MAP3K5: variants seen among roughly 807,000 people sequenced by gnomAD.
MAP3K5 encodes mitogen-activated protein kinase kinase kinase 5, also known as ASK-1.
Under a neutral mutation model 158.7 loss-of-function variants are expected in MAP3K5, and 56 were observed. The observed-to-expected ratio is 0.35, with a 90% confidence interval of 0.28 to 0.44. The LOEUF is 0.44. Among genes scored for constraint, MAP3K5 ranks in the 20% least tolerant of loss-of-function variants. The pLI is 1.00. For missense variants in MAP3K5, 1,294 were observed against 1,674.8 expected (o/e 0.77, Z 3.97); for synonymous variants, 579 against 601.7 (o/e 0.96, Z 0.55).
intron 8 of MAP3K5, among the ~76,000 whole-genome samples, chr6:136,659,584 T>G (rs964074521): frequency 6.6e-6 from 1 of 152,188 alleles, no homozygotes; most frequent in African/African-American, 2.4e-5. Context: ...ATAGATGAAC[T>G]TGGAAAACAT....
intron 25 of MAP3K5, among the ~76,000 whole-genome samples, chr6:136,569,413 CATA>C (rs1774266951): frequency 6.6e-6 from 1 of 152,192 alleles, no homozygotes; most frequent in Non-Finnish European, 1.5e-5. Flanking sequence ...GCTTCATCTA[CATA>C]ATAAGAACCT....
At chr6:136,681,396 G>C (rs2114594204) in intron 7 of MAP3K5, among the ~76,000 whole-genome samples, 1 of 152,278 alleles carries the variant, frequency 6.6e-6, no homozygotes, top group South Asian at 2.1e-4. Context: ...AAATCTGGAA[G>C]GCTGAGGAAG....
chr6:136,594,076 T>C (rs1583238848), intron 21 of MAP3K5, among the ~76,000 whole-genome samples: 1 of 152,216 alleles, frequency 6.6e-6, no homozygotes, highest in Non-Finnish European at 1.5e-5. Context: ...GTTCTGTAGC[T>C]GAATCACTAG....
intron 1 of MAP3K5, among the ~76,000 whole-genome samples, chr6:136,772,722 T>A (rs77190107): frequency 0.082 from 12,537 of 152,168 alleles, 1,055 homozygotes; most frequent in African/African-American, 0.22. Context: ...CTGAGCAAAA[T>A]AAATCTCATT....
intron 1 of MAP3K5, among the ~76,000 whole-genome samples, chr6:136,748,004 A>C (rs1225767422): frequency 3.3e-5 from 5 of 152,216 alleles, no homozygotes; most frequent in African/African-American, 1.2e-4. Context: ...ATTTATTACC[A>C]TGATCTAAGA....
At chr6:136,750,409 G>A (rs570066235) in intron 1 of MAP3K5, among the ~76,000 whole-genome samples, 26 of 152,132 alleles carry the variant, frequency 1.7e-4, no homozygotes, top group Admixed American at 1.7e-3. Flanking sequence ...AGTTAATACA[G>A]ATTAGTTCAA....
At chr6:136,716,877 G>A (rs1781552487) in intron 2 of MAP3K5, among the ~76,000 whole-genome samples, 1 of 152,078 alleles carries the variant, frequency 6.6e-6, no homozygotes, top group African/African-American at 2.4e-5. Context: ...AAAAGAATTG[G>A]CCAGGCACAG....
chr6:136,761,300 A>AAC (rs1409991884), intron 1 of MAP3K5, among the ~76,000 whole-genome samples: 4 of 151,264 alleles, frequency 2.6e-5, no homozygotes, highest in Non-Finnish European at 5.9e-5. Flanking sequence ...AAAAAAAAAA[A>AAC]AAAAAAACGA....
chr6:136,626,616 T>A (rs1397184386), intron 14 of MAP3K5, among the ~76,000 whole-genome samples: 1 of 152,184 alleles, frequency 6.6e-6, no homozygotes, highest in African/African-American at 2.4e-5. Flanking sequence ...TCTAGACTTC[T>A]GCAATGCTGT....
chr6:136,599,158 C>CA (rs1295013623), intron 21 of MAP3K5, among the ~76,000 whole-genome samples: 46 of 55,432 alleles, frequency 8.3e-4, no homozygotes, highest in East Asian at 6.0e-3. Context: ...GACTCCGTCT[C>CA]AAAAAAAAAA....
chr6:136,703,676 T>C (rs1780949533), intron 3 of MAP3K5, among the ~76,000 whole-genome samples: 1 of 152,262 alleles, frequency 6.6e-6, no homozygotes, highest in Admixed American at 6.5e-5. Context: ...GCTCATTTCC[T>C]GTTGAGATAG....
At chr6:136,765,003 C>T (rs185533962) in intron 1 of MAP3K5, among the ~76,000 whole-genome samples, 2 of 152,294 alleles carry the variant, frequency 1.3e-5, no homozygotes, top group Admixed American at 1.3e-4. Flanking sequence ...TCATGCTCTT[C>T]TATCATGTAG....
At position 136,616,887 on chromosome 6, in the gene MAP3K5, C is replaced by T. The variant is rs986745980; in HGVS notation, c.2151-2601G>A. Among the ~76,000 whole-genome samples, 3 of 151,952 alleles carry T rather than the reference C, an allele frequency of 2.0e-5. No homozygotes were observed. In the East Asian group the frequency reaches 5.9e-4, roughly 30 times the overall value. The stretch of plus-strand genomic sequence containing the variant: ...GTGACTACAGGCATGCACCACCATG[C>T]CCAGCTAATTTTTGTATTTTTTGTT... On this transcript the variant is annotated intron_variant, in intron 15 of 29. Transcript: ENST00000359015.
chr6:136,784,418 A>C (rs1459738231), intron 1 of MAP3K5, among the ~76,000 whole-genome samples: 6 of 152,244 alleles, frequency 3.9e-5, no homozygotes, highest in Non-Finnish European at 7.3e-5. Context: ...AGAAAGCAAG[A>C]AGCAGCAGTG....
At chr6:136,639,953 G>A (rs966959358) in intron 12 of MAP3K5, among the ~76,000 whole-genome samples, 1 of 152,176 alleles carries the variant, frequency 6.6e-6, no homozygotes, top group African/African-American at 2.4e-5. Context: ...TGTGTGCTGG[G>A]AGGAAAAGCA....
At chr6:136,700,002 G>A (rs570246834) in intron 3 of MAP3K5, among the ~76,000 whole-genome samples, 7 of 152,142 alleles carry the variant, frequency 4.6e-5, no homozygotes, top group South Asian at 2.1e-4. Flanking sequence ...GCTGAGGTGC[G>A]AGAATCACTT....
At chr6:136,782,960 C>T (rs1422410901) in intron 1 of MAP3K5, among the ~76,000 whole-genome samples, 1 of 152,182 alleles carries the variant, frequency 6.6e-6, no homozygotes. Context: ...GCACATATTT[C>T]GATTAGTGTC....
intron 1 of MAP3K5, among the ~76,000 whole-genome samples, chr6:136,760,694 G>C (rs1350660340): frequency 6.6e-6 from 1 of 152,224 alleles, no homozygotes; most frequent in Non-Finnish European, 1.5e-5. Context: ...TCCAGGCCAG[G>C]CACTGTGGCT....
intron 19 of MAP3K5, 147 bp from the exon 20 acceptor site, chr6:136,602,126 A>G (rs1432997044): frequency 3.1e-6 from 2 of 648,796 alleles, no homozygotes; most frequent in African/African-American, 3.7e-5. Flanking sequence ...GGGAGATAAG[A>G]TGTGTTTGCT....
Sources: allele counts gnomAD v4.1 joint callset (sites outside exome capture counted in the v4.1 genomes callset), GRCh38; gene constraint gnomAD v4.1.1; transcripts MANE v1.5; gene names NCBI Gene and HGNC (gene_info 2026-07-23, HGNC 2026-07-21).